GRID2: variants seen among roughly 807,000 people sequenced by gnomAD.
GRID2 encodes the protein glutamate ionotropic receptor delta type subunit 2, also known as glutamate receptor ionotropic, delta-2.
A neutral mutation model predicts 114.8 loss-of-function variants in GRID2; 33 were observed. That is an observed-to-expected ratio of 0.29 (90% CI 0.22 to 0.38). The LOEUF (loss-of-function observed/expected upper bound fraction) is 0.38. Ranked by LOEUF, GRID2 falls within the 10% of genes least tolerant of loss-of-function variation. GRID2 has a pLI of 1.00. For synonymous variants in GRID2, 505 were observed against 449.9 expected (o/e 1.12, Z -1.55); for missense variants, 1,184 against 1,257.7 (o/e 0.94, Z 0.89).
chr4:93,103,815 A>G (rs1303079238), intron 3 of GRID2, among the ~76,000 whole-genome samples: 1 of 151,176 alleles, frequency 6.6e-6, no homozygotes, highest in Admixed American at 6.7e-5. Context: ...TCTCTTAAGA[A>G]GCATCAAGTG....
chr4:92,743,380 A>G (rs1736991675), intron 2 of GRID2, among the ~76,000 whole-genome samples: 1 of 152,172 alleles, frequency 6.6e-6, no homozygotes, highest in Admixed American at 6.5e-5. Flanking sequence ...TCTGTTGTAT[A>G]TGAGCAGTCA....
intron 1 of GRID2, among the ~76,000 whole-genome samples, chr4:92,496,666 A>G (rs1356639192): frequency 2.0e-5 from 3 of 151,728 alleles, no homozygotes; most frequent in Non-Finnish European, 3.0e-5. Context: ...CTTATAGAAT[A>G]TATGACTAAA....
intron 8 of GRID2, among the ~76,000 whole-genome samples, chr4:93,265,773 C>T (rs143282576): frequency 1.3e-5 from 2 of 152,168 alleles, no homozygotes; most frequent in East Asian, 3.9e-4. Context: ...GTTTACAAAG[C>T]GAAAATCTTA....
At position 92,676,168 on chromosome 4, in the gene GRID2, C is replaced by T. The variant is rs185502321; in HGVS notation, c.244+85882C>T. ...ATTGTCGTGTCAAGCCCCCCCCCCCCCCTTTTTTTTTTGTGGTTGTTTTTG... is the reference window on the plus strand; with the variant it reads ...ATTGTCGTGTCAAGCCCCCCCCCCCTCCTTTTTTTTTTGTGGTTGTTTTTG... On this transcript the variant is annotated intron_variant, in intron 2 of 15. Transcript: ENST00000282020. 9.8e-3 allele frequency among the ~76,000 whole-genome samples: 935 copies of T among 95,738 alleles called. 40 individuals carry two copies. Among genetic ancestry groups the T allele is most frequent in the Non-Finnish European group, 0.016 (727 of 44,170 alleles). The allele number at this position is 95,738 out of a possible 152,430, so 62.8% of individuals were successfully genotyped here. A position where few individuals can be genotyped will look rare whatever the true frequency, so the allele number is the denominator to read the frequency against.
At chr4:92,559,533 C>T (rs920486998) in intron 1 of GRID2, among the ~76,000 whole-genome samples, 1 of 152,034 alleles carries the variant, frequency 6.6e-6, no homozygotes, top group African/African-American at 2.4e-5. Context: ...GTTCTGGATT[C>T]GACATGCTCA....
intron 2 of GRID2, among the ~76,000 whole-genome samples, chr4:92,685,001 AC>A (rs1016736252): frequency 1.3e-5 from 2 of 152,078 alleles, no homozygotes; most frequent in African/African-American, 4.8e-5. Context: ...ATGTAGTTAA[AC>A]CCAATTATAT....
In GRID2 at chr4:92,448,131, TTATGTATGTATGTATGTATGTATGTATG is replaced by T. The variant is rs10551052; in HGVS notation, c.89-141976_89-141949del. ...TAGAGTAGTAGTATTGATTTTTATT[TTATGTATGTATGTATGTATGTATGTATG>T]TATGTATGTATGTATGTATGTATTT... is the stretch of plus-strand genomic sequence containing the variant. On this transcript the variant is annotated intron_variant, in intron 1 of 15. Coordinates refer to ENST00000282020, the MANE Select transcript of GRID2 (RefSeq NM_001510.4). Among the ~76,000 whole-genome samples, 12 of 145,484 alleles carry T rather than the reference TTATGTATGTATGTATGTATGTATGTATG, an allele frequency of 8.2e-5. No individual in the cohort carries two copies. In the East Asian group the frequency reaches 1.6e-3, roughly 20 times the overall value.
chr4:92,565,781 A>G lies in GRID2; in HGVS notation c.89-24350A>G, dbSNP rs1256045948. On this transcript the variant is annotated intron_variant, in intron 1 of 15. Coordinates refer to ENST00000282020, the MANE Select transcript of GRID2 (RefSeq NM_001510.4). ...CCAGTACTAGTTGCTCTCAGACACT[A>G]GTGAATAATTTATTACTGTTCATAG... Among the ~76,000 whole-genome samples, 5 of 152,032 alleles carry G rather than the reference A, an allele frequency of 3.3e-5. 1 individual carries two copies. Among genetic ancestry groups the G allele is most frequent in the South Asian group, 4.1e-4 (2 of 4,828 alleles).
rs1332969873 is a variant in GRID2, at chr4:92,524,428, T to G, written c.89-65703T>G. Among the ~76,000 whole-genome samples the G allele has an allele frequency of 6.9e-4, 84 of 121,384 alleles. 1 individual carries two copies. The South Asian group carries it at 0.015, about 21-fold the overall frequency. 79.6% of individuals were successfully genotyped at this position (121,384 alleles called of 152,430 possible). A position where few individuals can be genotyped will look rare whatever the true frequency, so the allele number is the denominator to read the frequency against. On this transcript the variant is annotated intron_variant, in intron 1 of 15. Transcript: ENST00000282020. ...TTGTCTTTTTTTTTTTTTTTTTTTT[T>G]TTGTTTACCATCTAGAGGCTGTCTT...
chr4:93,024,362 G>C (rs1312376949), intron 2 of GRID2, among the ~76,000 whole-genome samples: 2 of 151,302 alleles, frequency 1.3e-5, no homozygotes. Context: ...ATAGCTTATG[G>C]GGCATAAATT....
intron 3 of GRID2, among the ~76,000 whole-genome samples, chr4:93,093,750 A>G (rs1730973211): frequency 6.6e-6 from 1 of 151,904 alleles, no homozygotes; most frequent in Non-Finnish European, 1.5e-5. Context: ...CCCTTCCCCA[A>G]GATTTCTCAG....
intron 1 of GRID2, among the ~76,000 whole-genome samples, chr4:92,524,058 A>C (rs1446885903): frequency 1.3e-5 from 2 of 152,056 alleles, no homozygotes; most frequent in Non-Finnish European, 2.9e-5. Context: ...CCTTCAGATA[A>C]ATGTATAGGG....
At chr4:93,504,231 C>T (rs1379849573) in intron 12 of GRID2, among the ~76,000 whole-genome samples, 1 of 151,940 alleles carries the variant, frequency 6.6e-6, no homozygotes, top group African/African-American at 2.4e-5. Flanking sequence ...CACTGTATTT[C>T]ATTTGGGTCA....
intron 4 of GRID2, among the ~76,000 whole-genome samples, chr4:93,194,561 C>T (rs1040157515): frequency 6.6e-6 from 1 of 152,092 alleles, no homozygotes; most frequent in South Asian, 2.1e-4. Flanking sequence ...AATAAGTATC[C>T]GGTGTAGCCA....
At chr4:92,761,203 T>C (rs1160174146) in intron 2 of GRID2, among the ~76,000 whole-genome samples, 2 of 152,172 alleles carry the variant, frequency 1.3e-5, no homozygotes, top group Non-Finnish European at 2.9e-5. Context: ...AATCACATTA[T>C]TCAAATTCCT....
intron 2 of GRID2, among the ~76,000 whole-genome samples, chr4:92,691,840 A>G (rs1378532624): frequency 1.4e-4 from 22 of 151,976 alleles, no homozygotes; most frequent in Non-Finnish European, 1.5e-5. Context: ...TACCACCCTC[A>G]TGTACTTATA....
chr4:92,798,453 G>A (rs1200422855), intron 2 of GRID2, among the ~76,000 whole-genome samples: 1 of 151,994 alleles, frequency 6.6e-6, no homozygotes, highest in African/African-American at 2.4e-5. Context: ...TGTCTTTCTG[G>A]TATTACCATT....
intron 4 of GRID2, among the ~76,000 whole-genome samples, chr4:93,178,758 A>G (rs1739608302): frequency 6.9e-6 from 1 of 145,656 alleles, no homozygotes; most frequent in Non-Finnish European, 1.5e-5. Flanking sequence ...GTGTGCGCTG[A>G]GATCATTTTA....
chr4:92,934,533 A>C (rs1473427891), intron 2 of GRID2, among the ~76,000 whole-genome samples: 1 of 146,284 alleles, frequency 6.8e-6, no homozygotes, highest in Non-Finnish European at 1.5e-5. Context: ...ATTGGAAAAA[A>C]CTACTTTAAA....
Sources: gnomAD v4.1 joint callset for allele counts (sites outside exome capture counted in the v4.1 genomes callset) on GRCh38, gnomAD v4.1.1 for gene constraint, MANE v1.5 for transcripts, NCBI Gene and HGNC (gene_info 2026-07-23, HGNC 2026-07-21) for gene names.